The following VAV3 variants were observed in gnomAD, a reference collection of about 807,000 sequenced individuals.
VAV3 encodes the protein guanine nucleotide exchange factor VAV3.
In VAV3, 94 loss-of-function variants were observed where a neutral mutation model predicts 131.2. The observed-to-expected ratio is 0.72, with a 90% CI of 0.61 to 0.85. The LOEUF is 0.85. VAV3 is among the 40% of genes least tolerant of loss of function. The probability of loss-of-function intolerance (pLI) is 0.00; values close to 1 mark genes in which losing one functional copy is unlikely to be tolerated. For synonymous variants in VAV3, 349 were observed against 342.0 expected (o/e 1.02, Z -0.22); for missense variants, 939 against 1,002.7 (o/e 0.94, Z 0.86).
chr1:107,734,310 C>A (rs1444444950), intron 15 of VAV3, among the ~76,000 whole-genome samples: 3 of 152,144 alleles, frequency 2.0e-5, no homozygotes, highest in African/African-American at 7.2e-5. Context: ...AACTAACGGG[C>A]AAAATAACCA....
intron 19 of VAV3, among the ~76,000 whole-genome samples, chr1:107,658,668 G>A (rs1448072216): frequency 1.3e-5 from 2 of 152,154 alleles, no homozygotes; most frequent in South Asian, 2.1e-4. Context: ...GTATCTTATT[G>A]TGGTTTTGAT....
chr1:107,866,042 G>T (rs1191298366), intron 2 of VAV3, among the ~76,000 whole-genome samples: 1 of 152,114 alleles, frequency 6.6e-6, no homozygotes, highest in Non-Finnish European at 1.5e-5. Flanking sequence ...CAAGGATAAG[G>T]AGGGTACTGG....
chr1:107,581,522 T>C (rs1650049832), intron 25 of VAV3, among the ~76,000 whole-genome samples: 1 of 152,210 alleles, frequency 6.6e-6, no homozygotes. Flanking sequence ...ATCTGTTAAA[T>C]AAATAAACTT....
Position 107,964,744 on chromosome 1 carries a change from C to G in VAV3, c.126G>C (p.Leu42=). Residue 42 remains leucine, a synonymous_variant, in exon 1 of 27, where the codon CTG becomes CTC. Coordinates refer to ENST00000370056, the MANE Select transcript of VAV3 (RefSeq NM_006113.5). ...DLAQTLRDGV[L]LCQLLNNLRA... ...GGAGGTTGTTAAGCAGCTGGCAGAGCAGGACTCCATCGCGGAGGGTCTGCG... is the reference window on the plus strand; with the variant it reads ...GGAGGTTGTTAAGCAGCTGGCAGAGGAGGACTCCATCGCGGAGGGTCTGCG... 1 of 1,614,118 alleles carries G rather than the reference C, an allele frequency of 6.2e-7. No individual in the cohort carries two copies. The highest frequency in any genetic ancestry group is 8.5e-7 in the Non-Finnish European group (1 of 1,180,024).
intron 1 of VAV3, among the ~76,000 whole-genome samples, chr1:107,914,920 C>T (rs1672537987): frequency 6.6e-6 from 1 of 152,154 alleles, no homozygotes. Context: ...GAAGGGCAAA[C>T]CCTGCAGGTG....
intron 2 of VAV3, among the ~76,000 whole-genome samples, chr1:107,853,661 C>T (rs1669334208): frequency 6.7e-6 from 1 of 148,472 alleles, no homozygotes; most frequent in Non-Finnish European, 1.5e-5. Context: ...CAAAGCAGGA[C>T]ACAGAAAGAC....
rs185101271 is a variant in VAV3 at position 107,811,580 on chromosome 1, A to G, written c.322-32088T>C. On this transcript the variant is annotated intron_variant, in intron 2 of 26. Coordinates refer to ENST00000370056, the MANE Select transcript of VAV3 (RefSeq NM_006113.5). ...CCAGAACAATTCTAGGTTATTAAAA[A>G]TTTTTCAAAAGTTATAAGATTTAAA... is the stretch of plus-strand genomic sequence containing the variant. Among the ~76,000 whole-genome samples the G allele has an allele frequency of 1.1e-3, 163 of 152,304 alleles. 3 individuals carry two copies. The highest frequency in any genetic ancestry group is 3.6e-3 in the African/African-American group (148 of 41,568).
intron 1 of VAV3, among the ~76,000 whole-genome samples, chr1:107,942,140 T>C (rs142130388): frequency 2.0e-5 from 3 of 152,340 alleles, no homozygotes; most frequent in Non-Finnish European, 4.4e-5. Flanking sequence ...CAGTATGTTA[T>C]GCTGGCATCG....
At chr1:107,800,593 G>T (rs1362538231) in intron 2 of VAV3, among the ~76,000 whole-genome samples, 1 of 152,112 alleles carries the variant, frequency 6.6e-6, no homozygotes, top group Non-Finnish European at 1.5e-5. Flanking sequence ...TGGGAATATT[G>T]CATGATGCTG....
intron 1 of VAV3, among the ~76,000 whole-genome samples, chr1:107,895,187 A>G (rs766480377): frequency 4.6e-5 from 7 of 152,196 alleles, no homozygotes; most frequent in African/African-American, 7.2e-5. Context: ...TGAGAACTTA[A>G]GCCCCAAGGC....
chr1:107,821,703 G>C (rs753167107), intron 2 of VAV3, among the ~76,000 whole-genome samples: 2 of 152,200 alleles, frequency 1.3e-5, no homozygotes, highest in Non-Finnish European at 2.9e-5. Context: ...AGTGCACAGT[G>C]TGAGATGAAC....
chr1:107,586,398 A>C (rs984743461), intron 25 of VAV3, among the ~76,000 whole-genome samples: 3 of 152,212 alleles, frequency 2.0e-5, no homozygotes, highest in African/African-American at 7.2e-5. Context: ...TTAATGGTGA[A>C]GATGCAACAA....
intron 1 of VAV3, among the ~76,000 whole-genome samples, chr1:107,916,688 T>C (rs1399565155): frequency 1.3e-5 from 2 of 152,180 alleles, no homozygotes; most frequent in Admixed American, 1.3e-4. Context: ...AGTTCTGGGA[T>C]GGTTGGAGTG....
intron 2 of VAV3, among the ~76,000 whole-genome samples, chr1:107,867,274 A>C (rs1670034855): frequency 6.6e-6 from 1 of 152,208 alleles, no homozygotes; most frequent in Non-Finnish European, 1.5e-5. Context: ...AGTTTATTGA[A>C]CTGACTCAAA....
At chr1:107,945,882 G>C (rs1483720436) in intron 1 of VAV3, among the ~76,000 whole-genome samples, 1 of 150,440 alleles carries the variant, frequency 6.6e-6, no homozygotes, top group Non-Finnish European at 1.5e-5. Context: ...TATTTAAAAG[G>C]ATAAGATGTA....
chr1:107,679,842 C>T (rs1210822568), intron 19 of VAV3, among the ~76,000 whole-genome samples: 1 of 152,110 alleles, frequency 6.6e-6, no homozygotes, highest in Non-Finnish European at 1.5e-5. Context: ...GTGTTATTTT[C>T]CTGATACCAA....
intron 15 of VAV3, among the ~76,000 whole-genome samples, chr1:107,708,909 T>A (rs1031256161): frequency 2.0e-5 from 3 of 151,890 alleles, no homozygotes; most frequent in Non-Finnish European, 4.4e-5. Flanking sequence ...AAACTCAGGT[T>A]CCATACAAAC....
At chr1:107,714,724 T>TA (rs1245895105) in intron 15 of VAV3, among the ~76,000 whole-genome samples, 4 of 151,734 alleles carry the variant, frequency 2.6e-5, no homozygotes, top group Admixed American at 6.6e-5. Context: ...AAACCAAGTT[T>TA]AAAAAAAACA....
chr1:107,952,435 C>CCTGCA (rs1414749826), intron 1 of VAV3, among the ~76,000 whole-genome samples: 3 of 141,784 alleles, frequency 2.1e-5, no homozygotes, highest in Non-Finnish European at 4.5e-5. Flanking sequence ...ATGTAACAAA[C>CCTGCA]CTGCACATGT....
Sources: allele counts gnomAD v4.1 joint callset (sites outside exome capture counted in the v4.1 genomes callset), GRCh38; gene constraint gnomAD v4.1.1; transcripts MANE v1.5; gene names NCBI Gene and HGNC (gene_info 2026-07-23, HGNC 2026-07-21).